GALNT17: variants seen among roughly 807,000 people sequenced by gnomAD.
GALNT17 encodes UDP-GalNAc:polypeptide N-acetylgalactosaminyltransferase-like 3.
In GALNT17, 29 loss-of-function variants were observed where a neutral mutation model predicts 63.7. The ratio of observed to expected loss-of-function variants is 0.46; its 90% CI spans 0.34 to 0.62. The LOEUF (loss-of-function observed/expected upper bound fraction) is 0.62, where lower values mean the gene tolerates loss of function less well. GALNT17 is among the 20% of genes least tolerant of loss of function. GALNT17 has a pLI of 0.01. For missense variants in GALNT17, 603 were observed against 799.6 expected (o/e 0.75, Z 2.97); for synonymous variants, 305 against 318.3 (o/e 0.96, Z 0.45).
intron 5 of GALNT17, among the ~76,000 whole-genome samples, chr7:71,549,822 G>T (rs1163563425): frequency 1.3e-5 from 2 of 151,976 alleles, no homozygotes; most frequent in East Asian, 3.9e-4. Flanking sequence ...GAATGCAGAA[G>T]AGGAGGATCC....
chr7:71,243,888 G>A (rs760237492), intron 1 of GALNT17, among the ~76,000 whole-genome samples: 1 of 152,208 alleles, frequency 6.6e-6, no homozygotes, highest in African/African-American at 2.4e-5. Context: ...AGGTCATGAT[G>A]TCGTTGGCAG....
At chr7:71,220,195 C>G (rs1347920414) in intron 1 of GALNT17, among the ~76,000 whole-genome samples, 1 of 152,190 alleles carries the variant, frequency 6.6e-6, no homozygotes, top group African/African-American at 2.4e-5. Context: ...TCTGGTTGGT[C>G]ACACAGCCGA....
chr7:71,478,790 C>T (rs970244520), intron 5 of GALNT17, among the ~76,000 whole-genome samples: 3 of 152,198 alleles, frequency 2.0e-5, no homozygotes, highest in Non-Finnish European at 4.4e-5. Flanking sequence ...ATGCAAAACC[C>T]ATCCTGATGA....
At chr7:71,196,429 C>T (rs906376331) in intron 1 of GALNT17, among the ~76,000 whole-genome samples, 3 of 151,770 alleles carry the variant, frequency 2.0e-5, no homozygotes, top group Non-Finnish European at 2.9e-5. Context: ...CGTGAGCCAC[C>T]GCGCCTGGCC....
chr7:71,309,961 CT>C (rs2115936560), intron 1 of GALNT17, among the ~76,000 whole-genome samples: 1 of 152,212 alleles, frequency 6.6e-6, no homozygotes, highest in Non-Finnish European at 1.5e-5. Context: ...GGGGGCAGGC[CT>C]TTCCCATGCT....
At chr7:71,318,540 C>G (rs545184017) in intron 1 of GALNT17, among the ~76,000 whole-genome samples, 1 of 151,946 alleles carries the variant, frequency 6.6e-6, no homozygotes, top group South Asian at 2.1e-4. Context: ...CTGCCTCAGC[C>G]TCCCGAGTAG....
chr7:71,142,152 G>A (rs1787908948), intron 1 of GALNT17, among the ~76,000 whole-genome samples: 1 of 152,094 alleles, frequency 6.6e-6, no homozygotes, highest in Non-Finnish European at 1.5e-5. Context: ...TTATAGGAAT[G>A]AGCCACTATG....
At position 71,528,351 on chromosome 7, in the gene GALNT17, TC is replaced by T. The variant is rs571439205; in HGVS notation, c.963-42933del. 3.6e-3 allele frequency among the ~76,000 whole-genome samples: 550 copies of T among 152,260 alleles called. 5 individuals are homozygous for T. Among genetic ancestry groups the T allele is most frequent in the Non-Finnish European group, 4.5e-3 (308 of 68,012 alleles). On this transcript the variant is annotated intron_variant, in intron 5 of 10. Transcript: ENST00000333538. The stretch of plus-strand genomic sequence containing the variant: ...GGGCTCCAATTTTGTCATAATTACA[TC>T]AGCAACAGCAAAATTGAGAAGACTG...
chr7:71,706,743 AC>A (rs1308428748), intron 9 of GALNT17, among the ~76,000 whole-genome samples: 2 of 152,164 alleles, frequency 1.3e-5, no homozygotes, highest in African/African-American at 4.8e-5. Context: ...GTTCAAGGAG[AC>A]CAGCCAGGCC....
At chr7:71,263,706 T>A (rs552973999) in intron 1 of GALNT17, among the ~76,000 whole-genome samples, 1 of 151,528 alleles carries the variant, frequency 6.6e-6, no homozygotes, top group Non-Finnish European at 1.5e-5. Flanking sequence ...GGCGGATCAC[T>A]AGGTCAGGAG....
intron 2 of GALNT17, among the ~76,000 whole-genome samples, chr7:71,380,427 C>T (rs1792823376): frequency 6.6e-6 from 1 of 152,112 alleles, no homozygotes; most frequent in African/African-American, 2.4e-5. Flanking sequence ...CCTTGAACTC[C>T]TGGGCTCAAG....
chr7:71,647,900 A>G (rs548141099), intron 6 of GALNT17, among the ~76,000 whole-genome samples: 1 of 152,348 alleles, frequency 6.6e-6, no homozygotes, highest in South Asian at 2.1e-4. Flanking sequence ...CAGGGCAGGA[A>G]GCGGCCTGGC....
chr7:71,296,962 A>G (rs958438923), intron 1 of GALNT17, among the ~76,000 whole-genome samples: 1 of 152,220 alleles, frequency 6.6e-6, no homozygotes, highest in Non-Finnish European at 1.5e-5. Context: ...GTTGAAGGAT[A>G]GGAAACTAAT....
At chr7:71,592,735 T>C (rs1044600143) in intron 6 of GALNT17, among the ~76,000 whole-genome samples, 1 of 152,140 alleles carries the variant, frequency 6.6e-6, no homozygotes, top group South Asian at 2.1e-4. Context: ...TGCTGGGGGC[T>C]CCCCCTGATT....
chr7:71,215,244 C>T (rs907064890), intron 1 of GALNT17, among the ~76,000 whole-genome samples: 2 of 152,142 alleles, frequency 1.3e-5, no homozygotes, highest in African/African-American at 4.8e-5. Context: ...GCTCCTAGGG[C>T]TTAGAGCTCC....
intron 1 of GALNT17, among the ~76,000 whole-genome samples, chr7:71,212,185 G>A (rs914113244): frequency 2.0e-5 from 3 of 152,320 alleles, no homozygotes; most frequent in African/African-American, 7.2e-5. Flanking sequence ...TGGGGACCTG[G>A]TGCCCTGCAT....
intron 5 of GALNT17, among the ~76,000 whole-genome samples, chr7:71,533,532 C>T (rs955899437): frequency 6.6e-5 from 10 of 151,852 alleles, no homozygotes; most frequent in African/African-American, 2.4e-4. Flanking sequence ...TCCACTTTAA[C>T]AGCTGGGGGG....
At chr7:71,208,494 A>G (rs759759735) in intron 1 of GALNT17, among the ~76,000 whole-genome samples, 5 of 136,588 alleles carry the variant, frequency 3.7e-5, no homozygotes, top group Non-Finnish European at 4.6e-5. Context: ...TCTGTTGCCC[A>G]GGCTGGTGTG....
chr7:71,622,397 A>G (rs1790306858), intron 6 of GALNT17, among the ~76,000 whole-genome samples: 1 of 152,216 alleles, frequency 6.6e-6, no homozygotes, highest in Middle Eastern at 3.2e-3. Context: ...TTACTCGATG[A>G]AAGCAGCTGG....
Sources: allele counts gnomAD v4.1 joint callset (sites outside exome capture counted in the v4.1 genomes callset), GRCh38; gene constraint gnomAD v4.1.1; transcripts MANE v1.5; gene names NCBI Gene and HGNC (gene_info 2026-07-23, HGNC 2026-07-21).